Variants in RALGAPA2 observed in about 807,000 individuals in gnomAD.
The protein encoded by RALGAPA2 is ral GTPase-activating protein subunit alpha-2.
RALGAPA2 carries 139 observed loss-of-function variants against 230.4 expected under a neutral mutation model. The observed-to-expected ratio is 0.60, with a 90% CI of 0.53 to 0.69. The LOEUF is 0.69. Ranked by LOEUF, RALGAPA2 falls within the 30% of genes least tolerant of loss-of-function variation. RALGAPA2 has a pLI of 0.00. For missense variants in RALGAPA2, 2,163 were observed against 2,276.0 expected, an observed-to-expected ratio of 0.95 and a Z score of 1.01; for synonymous variants, 847 against 837.8, an observed-to-expected ratio of 1.01 and a Z score of -0.19.
chr20:20,574,529 C>G (rs1482580959), intron 20 of RALGAPA2, among the ~76,000 whole-genome samples: 1 of 152,120 alleles, frequency 6.6e-6, no homozygotes, highest in African/African-American at 2.4e-5. Context: ...GAGTACGTCT[C>G]CAGCTTCCTA....
intron 13 of RALGAPA2, among the ~76,000 whole-genome samples, chr20:20,611,739 T>A (rs1389032701): frequency 6.6e-6 from 1 of 152,200 alleles, no homozygotes; most frequent in Admixed American, 6.5e-5. Flanking sequence ...GCCAGCAGCT[T>A]AAAGGTACTC....
At chr20:20,549,190 T>C (rs1048277877) in intron 23 of RALGAPA2, among the ~76,000 whole-genome samples, 18 of 152,222 alleles carry the variant, frequency 1.2e-4, no homozygotes, top group Admixed American at 3.3e-4. Flanking sequence ...TTTAACAAGC[T>C]AATACCACAA....
intron 36 of RALGAPA2, among the ~76,000 whole-genome samples, chr20:20,487,874 T>C (rs2061952304): frequency 6.7e-6 from 1 of 150,192 alleles, no homozygotes; most frequent in Non-Finnish European, 1.5e-5. Context: ...ATCGTGCCAC[T>C]GCACTCTAGC....
chr20:20,655,305 T>C (rs977646767), intron 3 of RALGAPA2, among the ~76,000 whole-genome samples: 5 of 151,264 alleles, frequency 3.3e-5, no homozygotes, highest in African/African-American at 7.3e-5. Flanking sequence ...AAGAAAAGAA[T>C]ATCAGTTAGC....
chr20:20,662,402 T>C (rs1160827581), intron 3 of RALGAPA2, among the ~76,000 whole-genome samples: 1 of 152,044 alleles, frequency 6.6e-6, no homozygotes, highest in Non-Finnish European at 1.5e-5. Context: ...GATTCGCATA[T>C]AACAAAAACT....
In RALGAPA2 at chr20:20,712,342, C is replaced by A; in HGVS notation, c.106+33G>T. On this transcript the variant is annotated intron_variant, in intron 1 of 39. Transcript: ENST00000202677. This position sits in a 1 kb window ranked among gnomAD's most constrained non-coding sequence, Gnocchi z 5.5. ...CTCCCGGCAGGTGCCCCTAACCCGG[C>A]GCCCCGACCCCCGCGCCCGGCGCGC... is the stretch of plus-strand genomic sequence containing the variant. The A allele has an allele frequency of 6.5e-7, 1 of 1,542,228 alleles. No individual in the cohort carries two copies. The highest frequency in any genetic ancestry group is 1.4e-5 in the African/African-American group (1 of 72,364).
chr20:20,399,565 G>A (rs922350194), intron 38 of RALGAPA2, among the ~76,000 whole-genome samples: 10 of 152,182 alleles, frequency 6.6e-5, no homozygotes, highest in African/African-American at 2.2e-4. Flanking sequence ...GAGTTGAGCC[G>A]GGGGAATCCA....
At chr20:20,517,647 C>A (rs2062912885) in intron 31 of RALGAPA2, among the ~76,000 whole-genome samples, 1 of 152,062 alleles carries the variant, frequency 6.6e-6, no homozygotes, top group Admixed American at 6.6e-5. Context: ...TGCCCACACC[C>A]CGAGTACAAA....
rs577329285 is a variant in RALGAPA2 at position 20,578,768 on chromosome 20, C to T, written c.2707+4282G>A. Reference sequence around the variant, plus strand: ...GAGTGAAACAACTTAATTCTAGAGCCAGAAAATTCAGGCCTGGCCTGGATG... The same window carrying T: ...GAGTGAAACAACTTAATTCTAGAGCTAGAAAATTCAGGCCTGGCCTGGATG... On this transcript the variant is annotated intron_variant, in intron 20 of 39. Transcript: ENST00000202677. Among the ~76,000 whole-genome samples, 673 of 152,200 alleles carry T rather than the reference C, an allele frequency of 4.4e-3. 4 individuals are homozygous for T. The highest frequency in any genetic ancestry group is 6.6e-3 in the Non-Finnish European group (449 of 68,010).
At chr20:20,426,702 C>A (rs2060389155) in intron 37 of RALGAPA2, among the ~76,000 whole-genome samples, 1 of 152,172 alleles carries the variant, frequency 6.6e-6, no homozygotes, top group Admixed American at 6.5e-5. Flanking sequence ...TACGGGATGC[C>A]CTTTTACGAA....
intron 38 of RALGAPA2, among the ~76,000 whole-genome samples, chr20:20,402,788 C>T (rs572660855): frequency 8.1e-4 from 123 of 152,332 alleles, no homozygotes; most frequent in African/African-American, 2.8e-3. Flanking sequence ...GACTGACCTT[C>T]GTGGAAGAGT....
intron 1 of RALGAPA2, among the ~76,000 whole-genome samples, chr20:20,689,421 A>G (rs1194158617): frequency 1.3e-5 from 2 of 152,240 alleles, no homozygotes; most frequent in African/African-American, 4.8e-5. Flanking sequence ...AGGCGGGCAG[A>G]TCACGAGGTC....
chr20:20,426,775 G>GA (rs1384968928), intron 37 of RALGAPA2, among the ~76,000 whole-genome samples: 1 of 152,184 alleles, frequency 6.6e-6, no homozygotes, highest in Non-Finnish European at 1.5e-5. Context: ...TGCAGCAGGT[G>GA]AATCAGACTA....
At chr20:20,679,202 T>C (rs567098668) in intron 2 of RALGAPA2, among the ~76,000 whole-genome samples, 4 of 152,076 alleles carry the variant, frequency 2.6e-5, no homozygotes, top group Admixed American at 2.6e-4. Context: ...CCAAAGCCAC[T>C]CTCACCCTCC....
chr20:20,649,683 G>A (rs769735043), intron 4 of RALGAPA2, among the ~76,000 whole-genome samples: 8 of 152,142 alleles, frequency 5.3e-5, no homozygotes, highest in Non-Finnish European at 1.2e-4. Flanking sequence ...AATAATTATT[G>A]AGTTCGGGCA....
At chr20:20,593,285 G>GT (rs2065349599) in intron 16 of RALGAPA2, among the ~76,000 whole-genome samples, 1 of 152,252 alleles carries the variant, frequency 6.6e-6, no homozygotes, top group African/African-American at 2.4e-5. Flanking sequence ...AGACAGCTAT[G>GT]TTAAAGCCTC....
At chr20:20,678,004 G>A (rs1054779514) in intron 2 of RALGAPA2, among the ~76,000 whole-genome samples, 4 of 152,144 alleles carry the variant, frequency 2.6e-5, no homozygotes, top group South Asian at 4.2e-4. Flanking sequence ...GGATGGGAGA[G>A]GGCACAAGTG....
intron 23 of RALGAPA2, among the ~76,000 whole-genome samples, chr20:20,564,920 C>A (rs2064366418): frequency 6.6e-6 from 1 of 152,152 alleles, no homozygotes; most frequent in Admixed American, 6.5e-5. Context: ...GTTGTATAAA[C>A]CTATAGTTTT....
chr20:20,420,324 A>C (rs1168831455), intron 37 of RALGAPA2, among the ~76,000 whole-genome samples: 1 of 152,170 alleles, frequency 6.6e-6, no homozygotes, highest in African/African-American at 2.4e-5. Flanking sequence ...CTGCACCACT[A>C]AGGAGGGTCC....
Sources: gnomAD v4.1 joint callset for allele counts (sites outside exome capture counted in the v4.1 genomes callset) on GRCh38, gnomAD v4.1.1 for gene constraint, Gnocchi (gnomAD v3.1) non-coding constraint, MANE v1.5 for transcripts, NCBI Gene and HGNC (gene_info 2026-07-23, HGNC 2026-07-21) for gene names.